KCTD19: variants seen among roughly 807,000 people sequenced by gnomAD.
KCTD19 encodes potassium channel tetramerization domain containing 19.
A neutral mutation model predicts 103.5 loss-of-function variants in KCTD19; 67 were observed. The observed-to-expected ratio is 0.65, with a 90% CI of 0.53 to 0.79. The LOEUF (loss-of-function observed/expected upper bound fraction) is 0.79, where lower values mean the gene tolerates loss of function less well. KCTD19 is among the 30% of genes least tolerant of loss of function. The pLI, the probability that KCTD19 is intolerant of heterozygous loss-of-function variation, is 0.00. For synonymous variants in KCTD19, 439 were observed against 452.2 expected (o/e 0.97, Z 0.37); for missense variants, 980 against 1,136.1 (o/e 0.86, Z 1.98).
chr16:67,295,885 C>T (rs988981934), intron 8 of KCTD19: 3 of 410,676 alleles, frequency 7.3e-6, no homozygotes, highest in Non-Finnish European at 9.1e-6. Context: ...TCTGGGATTA[C>T]AGGCACGTGC....
Position 67,320,710 on chromosome 16 carries a change from C to A in KCTD19, c.179G>T (p.Gly60Val), listed in dbSNP as rs779189857. The change falls in exon 2 of 16, where the codon GGT becomes GTT. Residue 60 changes from glycine to valine, a missense_variant. By Grantham distance (109) the Gly-to-Val change is moderately radical. Transcript: ENST00000304372. The surrounding 1 kb of genome is among the most constrained non-coding windows in gnomAD (Gnocchi z 4.0). ...ESQRLFIDRD[G>V]STFRHVHYYL... is the part of the protein sequence containing the mutation. ...ATAGTGCACGTGCCTAAATGTGGAA[C>A]CATCTCTGTCGATAAATAGCCTCTG... The A allele has an allele frequency of 1.9e-6, 3 of 1,614,164 alleles. No individual in the cohort carries two copies. Among genetic ancestry groups the A allele is most frequent in the Non-Finnish European group, 2.5e-6 (3 of 1,180,022 alleles).
chr16:67,307,932 C>T (rs2036910826), intron 2 of KCTD19, among the ~76,000 whole-genome samples: 2 of 152,180 alleles, frequency 1.3e-5, no homozygotes, highest in African/African-American at 4.8e-5. Flanking sequence ...AAATTCTCTT[C>T]ATCTCCTTCC....
In KCTD19 at chr16:67,320,541, A is replaced by T; in HGVS notation, c.300+48T>A. On this transcript the variant is annotated intron_variant, in intron 2 of 15. Transcript: ENST00000304372. This position sits in a 1 kb window ranked among gnomAD's most constrained non-coding sequence, Gnocchi z 4.0. ...AACAGGAAACAATATTTAGTGATGT[A>T]AAGCCATGTTACTGATCCACCACTC... 6.4e-7 allele frequency: 1 copy of T among 1,571,386 alleles called. No individual in the cohort carries two copies. Among genetic ancestry groups the T allele is most frequent in the Non-Finnish European group, 8.7e-7 (1 of 1,149,824 alleles).
intron 6 of KCTD19, among the ~76,000 whole-genome samples, chr16:67,297,957 A>C (rs1039194240): frequency 6.7e-6 from 1 of 149,014 alleles, no homozygotes; most frequent in African/African-American, 2.5e-5. Context: ...CGCCTGGCTA[A>C]TTTTTTGTAT....
rs1051514127 is a variant in KCTD19, at chr16:67,290,751, C to A, written c.2667+134G>T. 3 of 719,154 alleles carry A rather than the reference C, an allele frequency of 4.2e-6. No individual in the cohort carries two copies. In the East Asian group the frequency reaches 8.2e-5, roughly 20 times the overall value. The allele number at this position is 719,154 out of a possible 1,614,324, so 44.5% of individuals were successfully genotyped here. ...GTTAATTTCATGCAGTTTCTCCCTC[C>A]CTGGGAGCAGTGGCCTAAGCTGCCT... On this transcript the variant is annotated intron_variant, in intron 15 of 15. Coordinates refer to ENST00000304372, the MANE Select transcript of KCTD19 (RefSeq NM_001100915.3).
chr16:67,325,024 T>C (rs2037118549), intron 1 of KCTD19, among the ~76,000 whole-genome samples: 1 of 152,090 alleles, frequency 6.6e-6, no homozygotes, highest in South Asian at 2.1e-4. Context: ...AAAGCATAAA[T>C]ATGCAAGGAA....
chr16:67,304,457 GT>G lies in KCTD19; in HGVS notation c.414del (p.Lys138AsnfsTer29). 1 of 1,613,968 alleles carries G rather than the reference GT, an allele frequency of 6.2e-7. No homozygotes were observed. The highest frequency in any genetic ancestry group is 8.5e-7 in the Non-Finnish European group (1 of 1,179,942). ...NYWRTWKCIS[K>X]PSEFPIKSPA... is the part of the protein sequence containing the mutation. ...GGGCTTTTAATTGGAAATTCTGAGG[GT>G]TTGCTAATACACTTCCATGTACGCC... On this transcript the variant is annotated frameshift_variant, in exon 3 of 16. Transcript: ENST00000304372. LOFTEE classifies it high-confidence loss of function.
Position 67,326,733 on chromosome 16 carries a change from C to A in KCTD19, c.-26G>T. 1 of 1,570,438 alleles carries A rather than the reference C, an allele frequency of 6.4e-7. No homozygotes were observed. The highest frequency in any genetic ancestry group is 8.6e-7 in the Non-Finnish European group (1 of 1,163,642). On this transcript the variant is annotated 5_prime_UTR_variant, in exon 1 of 16. Transcript: ENST00000304372. The stretch of plus-strand genomic sequence containing the variant: ...GGTCGCGGCTCCAGCAGCGGGCGGG[C>A]GGGCTTGTGACCCGGCCAATAACGG...
At position 67,290,997 on chromosome 16, in the gene KCTD19, A is replaced by T. The variant is rs747209313; in HGVS notation, c.2566-11T>A. 1.2e-4 allele frequency: 187 copies of T among 1,613,382 alleles called. 1 individual carries two copies. The highest frequency in any genetic ancestry group is 1.5e-4 in the Non-Finnish European group (182 of 1,179,684). On this transcript the variant is annotated splice_polypyrimidine_tract_variant and intron_variant, in intron 14 of 15. Transcript: ENST00000304372. The stretch of plus-strand genomic sequence containing the variant: ...GCTGATGTGCAGGGTCTGCCAGGAG[A>T]GCCCACAGTCAGGCAGTGCTAGGGC...
chr16:67,315,365 G>A (rs899481788), intron 2 of KCTD19, among the ~76,000 whole-genome samples: 1 of 150,720 alleles, frequency 6.6e-6, no homozygotes, highest in Non-Finnish European at 1.5e-5. Context: ...GAGTGCCGTG[G>A]CTCAATCTCA....
At chr16:67,307,104 G>T (rs373310899) in intron 2 of KCTD19, among the ~76,000 whole-genome samples, 3 of 151,994 alleles carry the variant, frequency 2.0e-5, no homozygotes, top group East Asian at 3.9e-4. Flanking sequence ...TCAATACATG[G>T]ATACAATGTA....
Position 67,293,789 on chromosome 16 carries a change from G to T in KCTD19, c.1973C>A (p.Thr658Lys), listed in dbSNP as rs369962992. The change falls in exon 12 of 16, where the codon ACA becomes AAA. Residue 658 changes from threonine (T) to lysine (K), a missense_variant. Transcript: ENST00000304372. The surrounding 1 kb of genome is among the most constrained non-coding windows in gnomAD (Gnocchi z 4.0). The part of the protein sequence containing the change: ...KQWEFQPLTA[T>K]RSSPLEEATL... ...GGCCTCCTCCAAGGGGCTGCTCCGT[G>T]TGGCTGTCAGTGGCTGGAATTCCCA... The T allele has an allele frequency of 6.2e-7, 1 of 1,613,648 alleles. No individual in the cohort carries two copies.
rs190643538 is a variant in KCTD19, at chr16:67,315,821, G to A, written c.300+4768C>T. On this transcript the variant is annotated intron_variant, in intron 2 of 15. Coordinates refer to ENST00000304372, the MANE Select transcript of KCTD19 (RefSeq NM_001100915.3). ...GCAGAGATGGGGTTTCTCTATGTTG[G>A]CCAGGCTGGTCTCCAACCCTGACCT... is the stretch of plus-strand genomic sequence containing the variant. Among the ~76,000 whole-genome samples the A allele has an allele frequency of 1.8e-4, 27 of 150,940 alleles. 1 individual carries two copies. The East Asian group carries it at 4.9e-3, about 27-fold the overall frequency.
At chr16:67,305,141 C>A (rs150694492) in intron 2 of KCTD19, among the ~76,000 whole-genome samples, 3 of 152,216 alleles carry the variant, frequency 2.0e-5, no homozygotes, top group African/African-American at 4.8e-5. Context: ...CTTGCACAAT[C>A]TAAAGAGTAA....
Position 67,303,467 on chromosome 16 carries a change from T to G in KCTD19, c.452-130A>C. 1 of 624,266 alleles carries G rather than the reference T, an allele frequency of 1.6e-6. No homozygotes were observed. The highest frequency in any genetic ancestry group is 2.7e-6 in the Non-Finnish European group (1 of 365,474). The allele number at this position is 624,266 out of a possible 1,614,324, so 38.7% of individuals were successfully genotyped here. On this transcript the variant is annotated intron_variant, in intron 3 of 15. Coordinates refer to ENST00000304372, the MANE Select transcript of KCTD19 (RefSeq NM_001100915.3). This position sits in a 1 kb window ranked among gnomAD's most constrained non-coding sequence, Gnocchi z 4.3. ...CCCCCAGGATATGGTCCTTGCCACT[T>G]GCCAGACACATCTTCCTTCTTTATC...
intron 6 of KCTD19, among the ~76,000 whole-genome samples, chr16:67,298,843 C>T (rs947038420): frequency 4.6e-5 from 7 of 152,228 alleles, no homozygotes; most frequent in Admixed American, 1.3e-4. Context: ...ATTCCTTGCC[C>T]CTGCACTAAT....
chr16:67,325,199 CTTTT>C (rs918808425), intron 1 of KCTD19, among the ~76,000 whole-genome samples: 1 of 132,334 alleles, frequency 7.6e-6, no homozygotes, highest in Non-Finnish European at 1.5e-5. Context: ...TTCTTTTTTT[CTTTT>C]TTTCTTTTTT....
chr16:67,320,247 A>G lies in KCTD19; in HGVS notation c.300+342T>C, dbSNP rs2142524463. 6.6e-6 allele frequency among the ~76,000 whole-genome samples: 1 copy of G among 152,280 alleles called. No homozygotes were observed. The highest frequency in any genetic ancestry group is 1.9e-4 in the East Asian group (1 of 5,172). On this transcript the variant is annotated intron_variant, in intron 2 of 15. Transcript: ENST00000304372. This position sits in a 1 kb window ranked among gnomAD's most constrained non-coding sequence, Gnocchi z 4.0. The stretch of plus-strand genomic sequence containing the variant: ...TCAACATGGAAAGGATTGGCCGGGC[A>G]TGGTGGCATGCACCTGTGTTCCCAG...
intron 8 of KCTD19, chr16:67,295,710 G>T: frequency 2.9e-6 from 1 of 342,906 alleles, no homozygotes; most frequent in South Asian, 4.2e-5. Context: ...ACTCTGGAGG[G>T]CCTTCCCAGC....
Sources: allele counts gnomAD v4.1 joint callset (sites outside exome capture counted in the v4.1 genomes callset), GRCh38; gene constraint gnomAD v4.1.1; non-coding constraint Gnocchi (gnomAD v3.1); transcripts MANE v1.5; gene names NCBI Gene and HGNC (gene_info 2026-07-23, HGNC 2026-07-21).